Variants in PCDH9 observed in about 807,000 individuals in gnomAD.
The protein encoded by PCDH9 is protocadherin 9.
A neutral mutation model predicts 70.6 loss-of-function variants in PCDH9; 24 were observed. That is an observed-to-expected ratio of 0.34 (90% CI 0.25 to 0.48). The LOEUF is 0.48. Ranked by LOEUF, PCDH9 falls within the 20% of genes least tolerant of loss-of-function variation. PCDH9 has a pLI of 0.99. For synonymous variants in PCDH9, 562 were observed against 558.5 expected, an observed-to-expected ratio of 1.01 and a Z score of -0.09; for missense variants, 1,281 against 1,503.6, an observed-to-expected ratio of 0.85 and a Z score of 2.45.
At chr13:66,724,275 T>C (rs1239184901) in intron 3 of PCDH9, among the ~76,000 whole-genome samples, 2 of 152,156 alleles carry the variant, frequency 1.3e-5, no homozygotes, top group Non-Finnish European at 2.9e-5. Flanking sequence ...AGCTGTGTCC[T>C]TGAAGAGACA....
chr13:67,173,627 C>G (rs74093409), intron 2 of PCDH9, among the ~76,000 whole-genome samples: 6 of 152,018 alleles, frequency 3.9e-5, no homozygotes, highest in Non-Finnish European at 8.8e-5. Flanking sequence ...TTCAGTTCGA[C>G]AGAGAAAAAT....
chr13:66,575,743 C>T (rs375559891), intron 4 of PCDH9, among the ~76,000 whole-genome samples: 68 of 152,198 alleles, frequency 4.5e-4, no homozygotes, highest in African/African-American at 1.5e-3. Context: ...AACTATATCA[C>T]GTTATATCAA....
At chr13:66,378,729 C>T (rs1261589802) in intron 4 of PCDH9, among the ~76,000 whole-genome samples, 1 of 152,130 alleles carries the variant, frequency 6.6e-6, no homozygotes, top group Non-Finnish European at 1.5e-5. Context: ...GCTCTTAGAA[C>T]TTATTATAAC....
chr13:66,675,718 A>G (rs2078233910), intron 3 of PCDH9, among the ~76,000 whole-genome samples: 1 of 152,124 alleles, frequency 6.6e-6, no homozygotes, highest in Non-Finnish European at 1.5e-5. Context: ...AATCACTAAT[A>G]GGCACTTAGC....
chr13:66,310,119 G>A (rs1955537689), intron 4 of PCDH9, among the ~76,000 whole-genome samples: 1 of 151,684 alleles, frequency 6.6e-6, no homozygotes, highest in South Asian at 2.1e-4. Flanking sequence ...GGTTATCCTT[G>A]GGTTTGGTGT....
intron 4 of PCDH9, among the ~76,000 whole-genome samples, chr13:66,471,380 T>C (rs913232584): frequency 6.6e-6 from 1 of 152,152 alleles, no homozygotes; most frequent in African/African-American, 2.4e-5. Flanking sequence ...TTACAGAGCT[T>C]TTTCTTTCGA....
intron 4 of PCDH9, among the ~76,000 whole-genome samples, chr13:66,459,212 T>C (rs1015013582): frequency 1.3e-5 from 2 of 151,970 alleles, no homozygotes; most frequent in Non-Finnish European, 2.9e-5. Context: ...ACCCAGAGGA[T>C]AAAAATCCAA....
rs547109887 is a variant in PCDH9 at position 67,178,780 on chromosome 13, T to C, written c.3036+46625A>G. ...TTAATGCTAGGAAACATTTGCTGTA[T>C]GAGGATTTTGTGCCAAACATTGAGT... On this transcript the variant is annotated intron_variant, in intron 2 of 4. Transcript: ENST00000377865. Among the ~76,000 whole-genome samples, 98 of 152,246 alleles carry C rather than the reference T, an allele frequency of 6.4e-4. 2 individuals are homozygous for C. In the South Asian group the frequency reaches 0.019, roughly 29 times the overall value.
intron 4 of PCDH9, among the ~76,000 whole-genome samples, chr13:66,559,833 T>TATATACACAC (rs777316241): frequency 6.9e-5 from 6 of 87,120 alleles, no homozygotes; most frequent in African/African-American, 2.1e-4. Flanking sequence ...TATATATATA[T>TATATACACAC]ACACACACAC....
At chr13:66,392,489 C>T (rs1957035077) in intron 4 of PCDH9, among the ~76,000 whole-genome samples, 1 of 152,072 alleles carries the variant, frequency 6.6e-6, no homozygotes, top group South Asian at 2.1e-4. Context: ...TACCATTCTC[C>T]CCAGAATGAA....
intron 4 of PCDH9, among the ~76,000 whole-genome samples, chr13:66,351,852 T>A (rs376644831): frequency 6.6e-6 from 1 of 151,904 alleles, no homozygotes; most frequent in Non-Finnish European, 1.5e-5. Context: ...CTTTTCTTTT[T>A]TTTTAAGACA....
chr13:66,677,630 C>A (rs2078261519), intron 3 of PCDH9, among the ~76,000 whole-genome samples: 1 of 152,142 alleles, frequency 6.6e-6, no homozygotes, highest in South Asian at 2.1e-4. Context: ...TTTCTCTCTA[C>A]CTCTCTCCGC....
chr13:67,189,033 A>T (rs754341412), intron 2 of PCDH9, among the ~76,000 whole-genome samples: 1 of 151,998 alleles, frequency 6.6e-6, no homozygotes, highest in Non-Finnish European at 1.5e-5. Context: ...GACTGAGAAC[A>T]TACGACGTTT....
intron 4 of PCDH9, among the ~76,000 whole-genome samples, chr13:66,603,828 CA>C (rs2138851758): frequency 6.6e-6 from 1 of 151,986 alleles, no homozygotes; most frequent in African/African-American, 2.4e-5. Context: ...CTAAAATCAA[CA>C]GAGAAACATT....
intron 3 of PCDH9, among the ~76,000 whole-genome samples, chr13:66,852,899 T>A (rs2081337406): frequency 6.7e-6 from 1 of 149,782 alleles, no homozygotes; most frequent in South Asian, 2.1e-4. Flanking sequence ...TCTATACATT[T>A]TTTTTTAACA....
At chr13:66,398,027 T>G (rs1221038973) in intron 4 of PCDH9, among the ~76,000 whole-genome samples, 1 of 152,116 alleles carries the variant, frequency 6.6e-6, no homozygotes, top group Non-Finnish European at 1.5e-5. Flanking sequence ...AAAAATGTTC[T>G]GGCTTATACC....
rs776391104 is a variant in PCDH9 at position 67,085,939 on chromosome 13, T to G, written c.3036+139466A>C. Among the ~76,000 whole-genome samples the G allele has an allele frequency of 6.2e-4, 95 of 152,110 alleles. 2 individuals carry two copies. Among genetic ancestry groups the G allele is most frequent in the Non-Finnish European group, 2.5e-4 (17 of 68,010 alleles). On this transcript the variant is annotated intron_variant, in intron 2 of 4. Coordinates refer to ENST00000377865, the MANE Select transcript of PCDH9 (RefSeq NM_203487.3). Reference sequence around the variant, plus strand: ...AATCCGTCAAGTGAAAAACAAAAATTATTGATCCAAAAGGACGCCTCAGAC... The same window carrying G: ...AATCCGTCAAGTGAAAAACAAAAATGATTGATCCAAAAGGACGCCTCAGAC...
intron 2 of PCDH9, chr13:67,220,660 C>T (rs1406226874): frequency 3.3e-5 from 5 of 151,930 alleles, no homozygotes; most frequent in Non-Finnish European, 7.4e-5. Flanking sequence ...CATTAATGTT[C>T]CTTGTTTCTA....
chr13:67,027,875 T>A (rs2084819461), intron 2 of PCDH9, among the ~76,000 whole-genome samples: 1 of 151,726 alleles, frequency 6.6e-6, no homozygotes, highest in Non-Finnish European at 1.5e-5. Context: ...TGAGATACCA[T>A]CTCATACCAG....
Sources: gnomAD v4.1 joint callset for allele counts (sites outside exome capture counted in the v4.1 genomes callset) on GRCh38, gnomAD v4.1.1 for gene constraint, MANE v1.5 for transcripts, NCBI Gene and HGNC (gene_info 2026-07-23, HGNC 2026-07-21) for gene names.